The following SLC14A2 variants were observed in gnomAD, a reference collection of about 807,000 sequenced individuals.
SLC14A2 encodes urea transporter 2.
A neutral mutation model predicts 104.6 loss-of-function variants in SLC14A2; 91 were observed. That is an observed-to-expected ratio of 0.87 (90% CI 0.73 to 1.04). The LOEUF (loss-of-function observed/expected upper bound fraction) is 1.04, where lower values mean the gene tolerates loss of function less well. SLC14A2 is among the 50% of genes least tolerant of loss of function. The pLI, the probability that SLC14A2 is intolerant of heterozygous loss-of-function variation, is 0.00. For synonymous variants in SLC14A2, 476 were observed against 466.4 expected, an observed-to-expected ratio of 1.02 and a Z score of -0.27; for missense variants, 1,189 against 1,156.0, an observed-to-expected ratio of 1.03 and a Z score of -0.41.
intron 2 of SLC14A2, among the ~76,000 whole-genome samples, chr18:45,502,395 C>T (rs1346134708): frequency 6.6e-6 from 1 of 152,202 alleles, no homozygotes; most frequent in East Asian, 1.9e-4. Context: ...CCCGGTAACC[C>T]AGAGCCTAGC....
Position 45,675,685 on chromosome 18 carries a change from C to A in SLC14A2, c.2512+1868C>A, listed in dbSNP as rs1036762314. 2.9e-3 allele frequency among the ~76,000 whole-genome samples: 234 copies of A among 80,634 alleles called. 2 individuals are homozygous for A. The highest frequency in any genetic ancestry group is 3.3e-3 in the Non-Finnish European group (149 of 44,906). The allele number at this position is 80,634 out of a possible 152,430, so 52.9% of individuals were successfully genotyped here. On this transcript the variant is annotated intron_variant, in intron 18 of 19. Coordinates refer to ENST00000255226, the MANE Select transcript of SLC14A2 (RefSeq NM_007163.4). ...ATGCACCACCATGCCCAGCTAATTTCTATATATATATATATATATATATAT... is the reference window on the plus strand; with the variant it reads ...ATGCACCACCATGCCCAGCTAATTTATATATATATATATATATATATATAT...
intron 2 of SLC14A2, among the ~76,000 whole-genome samples, chr18:45,598,116 G>A (rs1042733365): frequency 8.5e-5 from 13 of 152,158 alleles, no homozygotes; most frequent in African/African-American, 2.2e-4. Context: ...CAGCTCACAC[G>A]TACTGTACTG....
intron 2 of SLC14A2, chr18:45,529,935 C>G (rs1303366170): frequency 6.6e-6 from 1 of 152,116 alleles, no homozygotes; most frequent in Non-Finnish European, 1.5e-5. Context: ...AGCCAGGCAC[C>G]AAGATGGTTC....
intron 1 of SLC14A2, among the ~76,000 whole-genome samples, chr18:45,616,004 A>G (rs949973514): frequency 6.6e-6 from 1 of 152,188 alleles, no homozygotes; most frequent in Non-Finnish European, 1.5e-5. Flanking sequence ...AAGGAGATCA[A>G]TATTCGTGCA....
In SLC14A2 at chr18:45,678,919, G is replaced by A. The variant is rs559950478; in HGVS notation, c.2513-56G>A. On this transcript the variant is annotated intron_variant, in intron 18 of 19. Transcript: ENST00000255226. ...GGAAGAGAATATGTAGAGCAATCTTGAGGTGCTATTAAATAGTTACTGGTC... is the reference window on the plus strand; with the variant it reads ...GGAAGAGAATATGTAGAGCAATCTTAAGGTGCTATTAAATAGTTACTGGTC... 5.6e-5 allele frequency: 82 copies of A among 1,461,496 alleles called. 1 individual carries two copies. In the South Asian group the frequency reaches 9.7e-4, roughly 17 times the overall value. 90.5% of individuals were successfully genotyped at this position (1,461,496 alleles called of 1,614,324 possible).
the SLC14A2 span, among the ~76,000 whole-genome samples, chr18:45,171,690 G>A: frequency 6.6e-6 from 1 of 152,106 alleles, no homozygotes; most frequent in Non-Finnish European, 1.5e-5. Flanking sequence ...TAATTCTCAG[G>A]CCAATGTTCT....
At chr18:45,565,900 C>T (rs1407023504) in intron 2 of SLC14A2, among the ~76,000 whole-genome samples, 1 of 152,148 alleles carries the variant, frequency 6.6e-6, no homozygotes, top group Admixed American at 6.5e-5. Flanking sequence ...GTTGCCTTGC[C>T]CTTTTACGCT....
At chr18:45,510,480 A>G (rs1334468844) in intron 2 of SLC14A2, among the ~76,000 whole-genome samples, 1 of 152,072 alleles carries the variant, frequency 6.6e-6, no homozygotes, top group Non-Finnish European at 1.5e-5. Context: ...CCCCAGTCCA[A>G]CCCTGCCACC....
intron 1 of SLC14A2, among the ~76,000 whole-genome samples, chr18:45,247,249 A>C (rs1432366561): frequency 6.6e-6 from 1 of 152,234 alleles, no homozygotes; most frequent in East Asian, 1.9e-4. Flanking sequence ...TCCCCGGTAC[A>C]GTCAAAATTT....
the SLC14A2 span, among the ~76,000 whole-genome samples, chr18:45,184,710 A>C: frequency 2.6e-5 from 4 of 152,366 alleles, no homozygotes; most frequent in East Asian, 7.7e-4. Context: ...TAAGTAGTAA[A>C]CTTTCAGCTG....
At chr18:45,387,990 A>G (rs1230181547) in intron 1 of SLC14A2, among the ~76,000 whole-genome samples, 1 of 151,220 alleles carries the variant, frequency 6.6e-6, no homozygotes, top group Non-Finnish European at 1.5e-5. Flanking sequence ...TCATTATTTA[A>G]AGGCTGTATA....
chr18:45,549,107 G>A (rs926343513), intron 2 of SLC14A2, among the ~76,000 whole-genome samples: 17 of 152,228 alleles, frequency 1.1e-4, no homozygotes, highest in Admixed American at 1.1e-3. Context: ...ATATGGATAT[G>A]CGATGCTGCT....
At chr18:45,191,989 T>A in the SLC14A2 span, among the ~76,000 whole-genome samples, 1 of 152,182 alleles carries the variant, frequency 6.6e-6, no homozygotes, top group Non-Finnish European at 1.5e-5. Context: ...GGAATTACAA[T>A]CTGTGTGTGT....
chr18:45,525,154 C>CAA (rs982938298), intron 2 of SLC14A2, among the ~76,000 whole-genome samples: 6 of 139,558 alleles, frequency 4.3e-5, no homozygotes, highest in African/African-American at 1.5e-4. Flanking sequence ...CACACACACA[C>CAA]AAAACTCTCC....
rs576115599 is a variant in SLC14A2, at chr18:45,233,167, T to C, written c.-125+19976T>C. Among the ~76,000 whole-genome samples the C allele has an allele frequency of 3.3e-5, 5 of 152,228 alleles. No homozygotes were observed. In the South Asian group the frequency reaches 8.3e-4, roughly 25 times the overall value. ...ATCCACATATCGGAGTGGTAGTGAGTTCCTGTTGCTGGAGAGGCTCACACA... is the reference window on the plus strand; with the variant it reads ...ATCCACATATCGGAGTGGTAGTGAGCTCCTGTTGCTGGAGAGGCTCACACA... On this transcript the variant is annotated intron_variant, in intron 1 of 20. Transcript: ENST00000586448.
chr18:45,423,615 C>T (rs1410782081), intron 1 of SLC14A2: 1 of 152,010 alleles, frequency 6.6e-6, no homozygotes, highest in East Asian at 1.9e-4. Flanking sequence ...GGGACATAGA[C>T]AAAGATGACC....
intron 1 of SLC14A2, among the ~76,000 whole-genome samples, chr18:45,239,502 AAGCT>A (rs748485609): frequency 5.3e-5 from 8 of 152,250 alleles, no homozygotes. Context: ...TGAGGAGGGC[AAGCT>A]AGGCTGATTC....
At chr18:45,261,929 G>A (rs2084542946) in intron 1 of SLC14A2, among the ~76,000 whole-genome samples, 1 of 152,132 alleles carries the variant, frequency 6.6e-6, no homozygotes, top group Non-Finnish European at 1.5e-5. Context: ...ACCCAGTAAT[G>A]GGATGGCTGG....
At chr18:45,352,949 A>G (rs75949803) in intron 1 of SLC14A2, among the ~76,000 whole-genome samples, 4,794 of 152,302 alleles carry the variant, frequency 0.031, 263 homozygotes, top group African/African-American at 0.11. Flanking sequence ...AAATTTATAG[A>G]CAAATAAAAA....
Sources: gnomAD v4.1 joint callset for allele counts (sites outside exome capture counted in the v4.1 genomes callset) on GRCh38, gnomAD v4.1.1 for gene constraint, MANE v1.5 for transcripts, NCBI Gene and HGNC (gene_info 2026-07-23, HGNC 2026-07-21) for gene names.